Variants in CHERP observed in about 807,000 individuals in gnomAD.
The protein encoded by CHERP is calcium homeostasis endoplasmic reticulum protein.
In CHERP, 8 loss-of-function variants were observed where a neutral mutation model predicts 113.8. That is an observed-to-expected ratio of 0.07 (90% CI 0.04 to 0.13). CHERP has a LOEUF of 0.13. Among genes scored for constraint, CHERP ranks in the 10% least tolerant of loss-of-function variants. CHERP has a pLI of 1.00. For synonymous variants in CHERP, 559 were observed against 524.5 expected (o/e 1.07, Z -0.90); for missense variants, 884 against 1,298.2 (o/e 0.68, Z 4.90).
rs1434473441 is a variant in CHERP, at chr19:16,529,743, G to A, written c.1034C>T (p.Pro345Leu). 5.6e-6 allele frequency: 9 copies of A among 1,611,010 alleles called. No individual in the cohort carries two copies. The highest frequency in any genetic ancestry group is 1.3e-5 in the African/African-American group (1 of 74,902). The change falls in exon 8 of 17, where the codon CCG becomes CTG. Residue 345 changes from proline to leucine, a missense_variant. Physicochemically the swap from Pro to Leu is moderately conservative, Grantham distance 98. This residue lies in a region of CHERP where 464 missense variants were observed against 590.1 expected (regional missense o/e 0.79). Coordinates refer to ENST00000546361, the MANE Select transcript of CHERP (RefSeq NM_006387.6). ...QQQQQQQLQM[P>L]QMEAEVKATP... is the part of the protein sequence containing the mutation. ...GGCCTTGACTTCAGCCTCCATCTGCGGCATCTGGAGCTGCTGCTGCTGCTG... is the reference window on the plus strand; with the variant it reads ...GGCCTTGACTTCAGCCTCCATCTGCAGCATCTGGAGCTGCTGCTGCTGCTG...
At position 16,519,721 on chromosome 19, in the gene CHERP, A is replaced by T; in HGVS notation, c.2463-6T>A. 1.2e-6 allele frequency: 2 copies of T among 1,608,610 alleles called. No individual in the cohort carries two copies. Among genetic ancestry groups the T allele is most frequent in the South Asian group, 1.1e-5 (1 of 90,954 alleles). On this transcript the variant is annotated splice_region_variant and splice_polypyrimidine_tract_variant and intron_variant, in intron 15 of 16. Transcript: ENST00000546361. The surrounding 1 kb of genome is among the most constrained non-coding windows in gnomAD (Gnocchi z 6.0). The stretch of plus-strand genomic sequence containing the variant: ...AACCCAGACCAGCAGAGGAACTAAA[A>T]TCGAGACAGGTTATTCTTTTTAAGA...
At position 16,535,642 on chromosome 19, in the gene CHERP, GGGAGA is replaced by G. The variant is rs1568263869; in HGVS notation, c.200-11_200-7del. On this transcript the variant is annotated splice_region_variant and splice_polypyrimidine_tract_variant and intron_variant, in intron 2 of 16. Transcript: ENST00000546361. The surrounding 1 kb of genome is among the most constrained non-coding windows in gnomAD (Gnocchi z 4.3). ...GGTCTGCTGCTTGCAGATGACTGGA[GGGAGA>G]GGAGGAGGGGTGCCCCATGAGAATG... The G allele has an allele frequency of 2.0e-6, 3 of 1,503,492 alleles. No individual in the cohort carries two copies. The highest frequency in any genetic ancestry group is 2.8e-5 in the African/African-American group (2 of 71,978). 93.1% of individuals were successfully genotyped at this position (1,503,492 alleles called of 1,614,324 possible). A position where few individuals can be genotyped will look rare whatever the true frequency, so the allele number is the denominator to read the frequency against.
At position 16,530,799 on chromosome 19, in the gene CHERP, C is replaced by T; in HGVS notation, c.756G>A (p.Val252=). The T allele has an allele frequency of 1.2e-6, 2 of 1,614,008 alleles. No individual in the cohort carries two copies. Among genetic ancestry groups the T allele is most frequent in the Non-Finnish European group, 1.7e-6 (2 of 1,179,992 alleles). ...VPIYCTSFLA[V]EEDKQQKIAR... ...CGATCTTCTGCTGCTTGTCTTCCTC[C>T]ACGGCCAAGAAGCTGGTGCAGTAGA... Residue 252 remains valine (V), a synonymous_variant, in exon 6 of 17, where the codon GTG becomes GTA. Transcript: ENST00000546361. The surrounding 1 kb of genome is among the most constrained non-coding windows in gnomAD (Gnocchi z 4.1).
At position 16,521,069 on chromosome 19, in the gene CHERP, C is replaced by T; in HGVS notation, c.2115-157G>A. On this transcript the variant is annotated intron_variant, in intron 12 of 16. Coordinates refer to ENST00000546361, the MANE Select transcript of CHERP (RefSeq NM_006387.6). ...GCGCAGTAGAGCTTGGTTCAGTGTT[C>T]CCACAGGGCTGTCCTCCTGCAGCCC... 1.0e-5 allele frequency: 7 copies of T among 673,242 alleles called. No homozygotes were observed. The East Asian group carries it at 1.9e-4, about 18-fold the overall frequency. The allele number at this position is 673,242 out of a possible 1,614,324, so 41.7% of individuals were successfully genotyped here. A position where few individuals can be genotyped will look rare whatever the true frequency, so the allele number is the denominator to read the frequency against.
chr19:16,540,458 C>T (rs942367030), intron 2 of CHERP, among the ~76,000 whole-genome samples: 52 of 151,090 alleles, frequency 3.4e-4, no homozygotes, highest in African/African-American at 1.2e-3. Flanking sequence ...ATGCAACCTC[C>T]AGCTCCCAGG....
At chr19:16,539,005 A>G (rs989479821) in intron 2 of CHERP, among the ~76,000 whole-genome samples, 2 of 151,172 alleles carry the variant, frequency 1.3e-5, no homozygotes, top group Non-Finnish European at 2.9e-5. Context: ...TCACCTAAAC[A>G]ACTGCCCTGT....
chr19:16,525,210 G>A lies in CHERP; in HGVS notation c.1741+32C>T, dbSNP rs372828757. 5 of 1,397,466 alleles carry A rather than the reference G, an allele frequency of 3.6e-6. No individual in the cohort carries two copies. Among genetic ancestry groups the A allele is most frequent in the East Asian group, 2.9e-5 (1 of 34,816 alleles). The allele number at this position is 1,397,466 out of a possible 1,614,324, so 86.6% of individuals were successfully genotyped here. The stretch of plus-strand genomic sequence containing the variant: ...CGGCAGGCGAGCCGTGGATGCCTCC[G>A]CCAGGCCCTACCCAGGCGCCCGTAC... On this transcript the variant is annotated intron_variant, in intron 10 of 16. Transcript: ENST00000546361. This position sits in a 1 kb window ranked among gnomAD's most constrained non-coding sequence, Gnocchi z 6.5.
chr19:16,532,903 G>C lies in CHERP; in HGVS notation c.522+108C>G. ...ACAGCCTCAGGAGCTCCAGGCGGGA[G>C]GGAAGGGCACCCATTGTAACAGCCC... On this transcript the variant is annotated intron_variant, in intron 4 of 16. Coordinates refer to ENST00000546361, the MANE Select transcript of CHERP (RefSeq NM_006387.6). The surrounding 1 kb of genome is among the most constrained non-coding windows in gnomAD (Gnocchi z 4.4). 6.6e-7 allele frequency: 1 copy of C among 1,511,040 alleles called. No individual in the cohort carries two copies. Among genetic ancestry groups the C allele is most frequent in the Non-Finnish European group, 8.9e-7 (1 of 1,122,020 alleles). 93.6% of individuals were successfully genotyped at this position (1,511,040 alleles called of 1,614,324 possible). A position where few individuals can be genotyped will look rare whatever the true frequency, so the allele number is the denominator to read the frequency against.
At position 16,523,603 on chromosome 19, in the gene CHERP, T is replaced by G. The variant is rs1008026155; in HGVS notation, c.1742-313A>C. Among the ~76,000 whole-genome samples the G allele has an allele frequency of 1.3e-5, 2 of 152,182 alleles. No homozygotes were observed. The highest frequency in any genetic ancestry group is 2.4e-5 in the African/African-American group (1 of 41,512). On this transcript the variant is annotated intron_variant, in intron 10 of 16. Coordinates refer to ENST00000546361, the MANE Select transcript of CHERP (RefSeq NM_006387.6). The surrounding 1 kb of genome is among the most constrained non-coding windows in gnomAD (Gnocchi z 4.0). The stretch of plus-strand genomic sequence containing the variant: ...CATACGCTGAGGTCCCAGCCCCCAG[T>G]AGCTCAGGACGGAACTGTATTTGGA...
chr19:16,527,977 G>T, intron 9 of CHERP, 103 bp downstream of exon 9: 1 of 1,147,832 alleles, frequency 8.7e-7, no homozygotes, highest in Non-Finnish European at 1.3e-6. Context: ...ATCCCTCATT[G>T]TTCCCCAGTA....
At chr19:16,527,983 C>T in intron 9 of CHERP, 97 bp downstream of exon 9, 4 of 1,208,254 alleles carry the variant, frequency 3.3e-6, no homozygotes, top group Non-Finnish European at 4.8e-6. Flanking sequence ...CATTGTTCCC[C>T]AGTAAGCCAC....
In CHERP at chr19:16,520,509, T is replaced by TG. The variant is rs1342160812; in HGVS notation, c.2202-3dup. On this transcript the variant is annotated splice_polypyrimidine_tract_variant and splice_region_variant and intron_variant, in intron 13 of 16. Transcript: ENST00000546361. This position sits in a 1 kb window ranked among gnomAD's most constrained non-coding sequence, Gnocchi z 4.0. ...CTGCTCCGAGACCTCGAGGGTCCGC[T>TG]GTGGGGAGAGGCCTGATGATCAGGT... 5 of 1,611,608 alleles carry TG rather than the reference T, an allele frequency of 3.1e-6. No individual in the cohort carries two copies. In the South Asian group the frequency reaches 5.5e-5, roughly 18 times the overall value.
Position 16,530,572 on chromosome 19 carries a change from C to G in CHERP, c.876+13G>C, listed in dbSNP as rs770526563. 27 of 1,612,750 alleles carry G rather than the reference C, an allele frequency of 1.7e-5. No homozygotes were observed. Among genetic ancestry groups the G allele is most frequent in the Non-Finnish European group, 2.3e-5 (27 of 1,178,868 alleles). On this transcript the variant is annotated intron_variant, in intron 7 of 16. Transcript: ENST00000546361. This position sits in a 1 kb window ranked among gnomAD's most constrained non-coding sequence, Gnocchi z 4.1. ...AGCTCTAGGGTGAGGTGTGGGTGGG[C>G]AGGGACACTCACCTGGTACTGACCA...
At chr19:16,521,393 A>C in intron 12 of CHERP, 128 bp downstream of exon 12, 1 of 784,016 alleles carries the variant, frequency 1.3e-6, no homozygotes, top group South Asian at 2.0e-5. Flanking sequence ...CTTGTCACTC[A>C]GGCGGGGGGA....
At position 16,525,525 on chromosome 19, in the gene CHERP, GGCGTCGGGCTGGTTGTTCCAGGGC is replaced by G. The variant is rs2085651648; in HGVS notation, c.1434_1457del (p.Pro479_Ala486del). 9 of 1,549,118 alleles carry G rather than the reference GGCGTCGGGCTGGTTGTTCCAGGGC, an allele frequency of 5.8e-6. No homozygotes were observed. Among genetic ancestry groups the G allele is most frequent in the Non-Finnish European group, 7.8e-6 (9 of 1,149,486 alleles). Reference sequence around the variant, plus strand: ...GGCCCTCGAACTGGCTGTTCCAGGCGGCGTCGGGCTGGTTGTTCCAGGGCGCGTCGCGCTGGCCGTTCCAGCCGG... The same window carrying G: ...GGCCCTCGAACTGGCTGTTCCAGGCGGCGTCGCGCTGGCCGTTCCAGCCGG... On this transcript the variant is annotated inframe_deletion, in exon 10 of 17. Transcript: ENST00000546361. The surrounding 1 kb of genome is among the most constrained non-coding windows in gnomAD (Gnocchi z 6.5).
At position 16,519,471 on chromosome 19, in the gene CHERP, G is replaced by T; in HGVS notation, c.2558-119C>A. On this transcript the variant is annotated intron_variant, in intron 16 of 16. Transcript: ENST00000546361. This position sits in a 1 kb window ranked among gnomAD's most constrained non-coding sequence, Gnocchi z 6.0. ...GGGAAATGGGTAGAGAGAACCCGCA[G>T]GCCGGCCCTGTCTAGAGGGTCTGGG... 1 of 1,280,932 alleles carries T rather than the reference G, an allele frequency of 7.8e-7. No homozygotes were observed. The highest frequency in any genetic ancestry group is 1.1e-6 in the Non-Finnish European group (1 of 909,412). 79.3% of individuals were successfully genotyped at this position (1,280,932 alleles called of 1,614,324 possible).
In CHERP at chr19:16,534,722, T is replaced by C. The variant is rs768374223; in HGVS notation, c.384+730A>G. On this transcript the variant is annotated intron_variant, in intron 3 of 16. Coordinates refer to ENST00000546361, the MANE Select transcript of CHERP (RefSeq NM_006387.6). ...AACTCCTGACCTCATGATCTGCCCA[T>C]CTCAGCCTCCCAAAGTGCTGGGATT... Among the ~76,000 whole-genome samples, 5 of 151,620 alleles carry C rather than the reference T, an allele frequency of 3.3e-5. No homozygotes were observed. The East Asian group carries it at 9.7e-4, about 30-fold the overall frequency.
rs890918682 is a variant in CHERP at position 16,520,176 on chromosome 19, C to T, written c.2435G>A (p.Arg812Gln). 4.2e-5 allele frequency: 68 copies of T among 1,612,866 alleles called. No homozygotes were observed. Among genetic ancestry groups the T allele is most frequent in the Non-Finnish European group, 5.3e-5 (63 of 1,180,006 alleles). ...CGGGGTGGGGCTCCTGGACCGTGAC[C>T]GGCGTCTTCTTCCTGGGGAGTACGA... is the stretch of plus-strand genomic sequence containing the variant. ...SKSYSPGRRR[R>Q]SRSRSPTPPS... The change falls in exon 15 of 17, where the codon CGG (arginine) becomes CAG (glutamine). Residue 812 changes from arginine (R) to glutamine (Q), a missense_variant. Arg to Gln is a conservative substitution (Grantham distance 43). Coordinates refer to ENST00000546361, the MANE Select transcript of CHERP (RefSeq NM_006387.6). This position sits in a 1 kb window ranked among gnomAD's most constrained non-coding sequence, Gnocchi z 4.0.
rs555959247 is a variant in CHERP at position 16,524,045 on chromosome 19, A to G, written c.1742-755T>C. Among the ~76,000 whole-genome samples, 70 of 152,308 alleles carry G rather than the reference A, an allele frequency of 4.6e-4. 1 individual carries two copies. The highest frequency in any genetic ancestry group is 1.6e-3 in the African/African-American group (68 of 41,572). On this transcript the variant is annotated intron_variant, in intron 10 of 16. Coordinates refer to ENST00000546361, the MANE Select transcript of CHERP (RefSeq NM_006387.6). ...GGCGGGTAGATCACTTGAGGCCCAG[A>G]GTTTGAGACCAGCCTGGCCAACATG...
Sources: gnomAD v4.1 joint callset for allele counts (sites outside exome capture counted in the v4.1 genomes callset) on GRCh38, gnomAD v4.1.1 for gene constraint, gnomAD v4.1.1 regional missense constraint, Gnocchi (gnomAD v3.1) non-coding constraint, MANE v1.5 for transcripts, NCBI Gene and HGNC (gene_info 2026-07-23, HGNC 2026-07-21) for gene names.